The following SPOCK3 variants were observed in gnomAD, a reference collection of about 807,000 sequenced individuals.
The protein encoded by SPOCK3 is SPARC (osteonectin), cwcv and kazal like domains proteoglycan 3, also known as testican-3.
Under a neutral mutation model 56.6 loss-of-function variants are expected in SPOCK3, and 30 were observed. The ratio of observed to expected loss-of-function variants is 0.53; its 90% CI spans 0.40 to 0.72. The LOEUF is 0.72. Among genes scored for constraint, SPOCK3 ranks in the 30% least tolerant of loss-of-function variants. The probability of loss-of-function intolerance (pLI) is 0.00; values close to 1 mark genes in which losing one functional copy is unlikely to be tolerated. For missense variants in SPOCK3, 527 were observed against 530.0 expected (o/e 0.99, Z 0.06); for synonymous variants, 196 against 183.3 (o/e 1.07, Z -0.56).
At chr4:166,826,185 C>CA (rs1313706493) in intron 6 of SPOCK3, among the ~76,000 whole-genome samples, 1 of 151,770 alleles carries the variant, frequency 6.6e-6, no homozygotes, top group African/African-American at 2.4e-5. Flanking sequence ...AAATAACTTG[C>CA]AAAAAAAGAT....
chr4:166,837,153 C>G (rs902754294), intron 6 of SPOCK3, among the ~76,000 whole-genome samples: 5 of 152,134 alleles, frequency 3.3e-5, no homozygotes, highest in Non-Finnish European at 7.4e-5. Context: ...TTTGTTCATT[C>G]TTCTTTAAAG....
chr4:167,106,149 C>T (rs997894605), intron 2 of SPOCK3, among the ~76,000 whole-genome samples: 11 of 152,040 alleles, frequency 7.2e-5, no homozygotes, highest in Non-Finnish European at 1.6e-4. Flanking sequence ...ATATACAGAA[C>T]ATTTCATCCA....
At chr4:167,230,663 T>A (rs1737087065) in intron 2 of SPOCK3, among the ~76,000 whole-genome samples, 1 of 152,068 alleles carries the variant, frequency 6.6e-6, no homozygotes, top group Admixed American at 6.6e-5. Context: ...TGTGTTGACT[T>A]TTCTGTATCT....
At chr4:167,141,606 T>C (rs756116646) in intron 2 of SPOCK3, among the ~76,000 whole-genome samples, 27 of 152,040 alleles carry the variant, frequency 1.8e-4, no homozygotes, top group Non-Finnish European at 3.5e-4. Context: ...CTTGTCCATC[T>C]GTCTTTGCTT....
At chr4:166,807,382 T>G (rs944301835) in intron 6 of SPOCK3, among the ~76,000 whole-genome samples, 1 of 152,048 alleles carries the variant, frequency 6.6e-6, no homozygotes, top group South Asian at 2.1e-4. Context: ...CTTCGTCACT[T>G]AAGGAGTTTC....
intron 6 of SPOCK3, among the ~76,000 whole-genome samples, chr4:166,828,119 ATATCT>A (rs1355544531): frequency 6.6e-6 from 1 of 152,040 alleles, no homozygotes; most frequent in Non-Finnish European, 1.5e-5. Context: ...TTTTAGTATA[ATATCT>A]TCAGCTTTTC....
chr4:166,947,207 T>C (rs1426869450), intron 4 of SPOCK3, among the ~76,000 whole-genome samples: 1 of 152,162 alleles, frequency 6.6e-6, no homozygotes, highest in Non-Finnish European at 1.5e-5. Flanking sequence ...ATAGAAATTA[T>C]ATTGCAATTA....
intron 8 of SPOCK3, among the ~76,000 whole-genome samples, chr4:166,749,532 T>G (rs6850247): frequency 6.6e-6 from 1 of 151,604 alleles, no homozygotes; most frequent in South Asian, 2.1e-4. Flanking sequence ...GAAATACCTA[T>G]TGTAAATGAC....
intron 3 of SPOCK3, among the ~76,000 whole-genome samples, chr4:167,056,050 C>T (rs1384813623): frequency 6.6e-6 from 1 of 152,136 alleles, no homozygotes; most frequent in South Asian, 2.1e-4. Flanking sequence ...TGGGAGGCAC[C>T]CCCCAGTAGG....
intron 2 of SPOCK3, among the ~76,000 whole-genome samples, chr4:167,138,733 T>C (rs1027171194): frequency 6.6e-6 from 1 of 151,980 alleles, no homozygotes; most frequent in African/African-American, 2.4e-5. Context: ...CCAATTTGCT[T>C]TGGAAAAGAT....
chr4:166,869,084 A>G (rs1732181396), intron 6 of SPOCK3, among the ~76,000 whole-genome samples: 1 of 150,012 alleles, frequency 6.7e-6, no homozygotes, highest in Non-Finnish European at 1.5e-5. Flanking sequence ...AGCTGCTCCC[A>G]GGCTAATGGA....
At chr4:166,837,188 G>A (rs1485420568) in intron 6 of SPOCK3, among the ~76,000 whole-genome samples, 1 of 152,098 alleles carries the variant, frequency 6.6e-6, no homozygotes, top group African/African-American at 2.4e-5. Flanking sequence ...AAGATTCTTG[G>A]CTGATTTTAG....
At chr4:166,765,454 C>T (rs2126532740) in intron 7 of SPOCK3, among the ~76,000 whole-genome samples, 2 of 152,272 alleles carry the variant, frequency 1.3e-5, no homozygotes, top group Middle Eastern at 6.8e-3. Flanking sequence ...ATCCTTTCCC[C>T]ATTTCTTGTT....
At chr4:166,811,955 C>T (rs1743856909) in intron 6 of SPOCK3, among the ~76,000 whole-genome samples, 1 of 151,644 alleles carries the variant, frequency 6.6e-6, no homozygotes, top group Admixed American at 6.6e-5. Flanking sequence ...TCAAATTGTA[C>T]AAAGATAGTA....
chr4:167,116,598 A>ATATACTATATACGTATATATATCCG (rs1554038914), intron 2 of SPOCK3, among the ~76,000 whole-genome samples: 1 of 89,826 alleles, frequency 1.1e-5, no homozygotes, highest in African/African-American at 5.0e-5. Flanking sequence ...ATATATATAC[A>ATATACTATATACGTATATATATCCG]TATATACTAT....
rs540868747 is a variant in SPOCK3, at chr4:166,954,993, C to A, written c.351-42250G>T. ...TGTTGACTCTTCTACTAATTCACAG[C>A]AAAAACTTACAGTATCTATTATATG... On this transcript the variant is annotated intron_variant, in intron 4 of 10. Transcript: ENST00000357545. Among the ~76,000 whole-genome samples the A allele has an allele frequency of 2.0e-5, 3 of 152,246 alleles. No individual in the cohort carries two copies. The East Asian group carries it at 5.8e-4, about 29-fold the overall frequency.
chr4:167,092,211 G>A (rs913892012), intron 2 of SPOCK3, among the ~76,000 whole-genome samples: 2 of 152,132 alleles, frequency 1.3e-5, no homozygotes, highest in Non-Finnish European at 2.9e-5. Context: ...CCCTCTCCTA[G>A]CCAAGGGAAG....
Position 166,888,407 on chromosome 4 carries a change from T to C in SPOCK3, c.589+723A>G, listed in dbSNP as rs1734425312. ...TAAAATATTTTTTGACTTAAGCATC[T>C]ATTCTCCACACTTCCTTCTTTATCT... On this transcript the variant is annotated intron_variant, in intron 6 of 10. Transcript: ENST00000357545. 5.9e-5 allele frequency among the ~76,000 whole-genome samples: 9 copies of C among 152,204 alleles called. No homozygotes were observed. In the South Asian group the frequency reaches 1.9e-3, roughly 32 times the overall value.
At chr4:166,907,161 TG>T (rs1560995465) in intron 5 of SPOCK3, among the ~76,000 whole-genome samples, 1 of 152,082 alleles carries the variant, frequency 6.6e-6, no homozygotes, top group Middle Eastern at 3.2e-3. Flanking sequence ...CACAAGTTAT[TG>T]TAAATGGTAG....
Sources: allele counts gnomAD v4.1 joint callset (sites outside exome capture counted in the v4.1 genomes callset), GRCh38; gene constraint gnomAD v4.1.1; transcripts MANE v1.5; gene names NCBI Gene and HGNC (gene_info 2026-07-23, HGNC 2026-07-21).